Variants in SPON1 observed in about 807,000 individuals in gnomAD.
SPON1 encodes spondin-1.
Under a neutral mutation model 111.7 loss-of-function variants are expected in SPON1, and 52 were observed. The observed-to-expected ratio is 0.47, with a 90% CI of 0.37 to 0.59. SPON1 has a LOEUF of 0.59. SPON1 is among the 20% of genes least tolerant of loss of function. The probability of loss-of-function intolerance (pLI) is 0.00; values close to 1 mark genes in which losing one functional copy is unlikely to be tolerated. For synonymous variants in SPON1, 410 were observed against 395.8 expected (o/e 1.04, Z -0.43); for missense variants, 957 against 1,068.5 (o/e 0.90, Z 1.46).
chr11:14,238,169 A>G (rs781841839), intron 6 of SPON1, among the ~76,000 whole-genome samples: 2 of 152,182 alleles, frequency 1.3e-5, no homozygotes, highest in Non-Finnish European at 2.9e-5. Context: ...TTGTTTTATT[A>G]TTGTTGCTGT....
chr11:14,010,005 CA>C (rs1180302841), intron 2 of SPON1, among the ~76,000 whole-genome samples: 2 of 152,148 alleles, frequency 1.3e-5, no homozygotes, highest in African/African-American at 4.8e-5. Flanking sequence ...CAAATGAGGA[CA>C]GGGGCCACTA....
chr11:14,119,848 G>C (rs1237484377), intron 5 of SPON1, among the ~76,000 whole-genome samples: 1 of 152,086 alleles, frequency 6.6e-6, no homozygotes, highest in Non-Finnish European at 1.5e-5. Flanking sequence ...CCAAATTCTA[G>C]AGCTGTACTG....
chr11:13,963,397 C>T (rs1412336343), intron 1 of SPON1, among the ~76,000 whole-genome samples: 1 of 152,168 alleles, frequency 6.6e-6, no homozygotes, highest in Non-Finnish European at 1.5e-5. Context: ...GGTTCCCAGG[C>T]GGAGGATGTA....
At chr11:14,142,084 T>C (rs10832193) in intron 6 of SPON1, among the ~76,000 whole-genome samples, 60,387 of 152,056 alleles carry the variant, frequency 0.4, 12,264 homozygotes, top group East Asian at 0.55. Context: ...GTCTCAGTTC[T>C]CTCTTCTATG....
At position 14,259,049 on chromosome 11, in the gene SPON1, G is replaced by T. The variant is rs571840408; in HGVS notation, c.1493-231G>T. Among the ~76,000 whole-genome samples, 2 of 152,136 alleles carry T rather than the reference G, an allele frequency of 1.3e-5. No homozygotes were observed. Among genetic ancestry groups the T allele is most frequent in the Non-Finnish European group, 2.9e-5 (2 of 68,022 alleles). Reference sequence around the variant, plus strand: ...CATCCTTTCCATACAAGCATCTTTCGAATGTATTTTCATGAGATAAAGAGT... The same window carrying T: ...CATCCTTTCCATACAAGCATCTTTCTAATGTATTTTCATGAGATAAAGAGT... On this transcript the variant is annotated intron_variant, in intron 11 of 15. Coordinates refer to ENST00000576479, the MANE Select transcript of SPON1 (RefSeq NM_006108.4). This position sits in a 1 kb window ranked among gnomAD's most constrained non-coding sequence, Gnocchi z 5.0.
chr11:14,088,228 T>C (rs1172502635), intron 5 of SPON1, among the ~76,000 whole-genome samples: 3 of 152,200 alleles, frequency 2.0e-5, no homozygotes, highest in Non-Finnish European at 2.9e-5. Flanking sequence ...CATAGTGTCA[T>C]TGATCTTTAT....
Position 14,048,728 on chromosome 11 carries a change from C to T in SPON1, c.479+7074C>T, listed in dbSNP as rs537293433. On this transcript the variant is annotated intron_variant, in intron 3 of 15. Transcript: ENST00000576479. ...AGTAGCGATTGATTAAAAGAAAAAG[C>T]CGCCATGAGTAGAATAAATGTTTAC... Among the ~76,000 whole-genome samples the T allele has an allele frequency of 6.8e-4, 103 of 152,276 alleles. No homozygotes were observed. In the South Asian group the frequency reaches 0.019, roughly 29 times the overall value.
chr11:14,078,298 C>T (rs914252955), intron 4 of SPON1, among the ~76,000 whole-genome samples: 5 of 152,178 alleles, frequency 3.3e-5, no homozygotes, highest in African/African-American at 1.2e-4. Context: ...AAGTTTACCA[C>T]CTATATCCGA....
chr11:14,043,817 A>G (rs1272633972), intron 3 of SPON1, among the ~76,000 whole-genome samples: 2 of 152,260 alleles, frequency 1.3e-5, no homozygotes, highest in Non-Finnish European at 2.9e-5. Flanking sequence ...TTATGTGTAC[A>G]TATGTTTATC....
chr11:14,238,258 AG>A (rs1848888079), intron 6 of SPON1, among the ~76,000 whole-genome samples: 1 of 152,126 alleles, frequency 6.6e-6, no homozygotes, highest in Non-Finnish European at 1.5e-5. Flanking sequence ...GAGAGATGGT[AG>A]GGGCATCAGG....
intron 2 of SPON1, among the ~76,000 whole-genome samples, chr11:14,021,468 T>C (rs1848481080): frequency 6.6e-6 from 1 of 152,106 alleles, no homozygotes; most frequent in South Asian, 2.1e-4. Context: ...ATGCCTCAGC[T>C]TCTGAAACAG....
chr11:14,078,221 A>T (rs1848933592), intron 4 of SPON1, among the ~76,000 whole-genome samples: 1 of 152,212 alleles, frequency 6.6e-6, no homozygotes, highest in African/African-American at 2.4e-5. Context: ...TTCAAATGGA[A>T]GCTTATTTTC....
chr11:14,088,826 G>T (rs376334177), intron 5 of SPON1, among the ~76,000 whole-genome samples: 3 of 151,660 alleles, frequency 2.0e-5, no homozygotes, highest in Non-Finnish European at 4.4e-5. Context: ...GGCTGTGTTC[G>T]TTCCTTTTCA....
intron 2 of SPON1, among the ~76,000 whole-genome samples, chr11:14,009,891 G>A: frequency 6.6e-6 from 1 of 152,128 alleles, no homozygotes; most frequent in Admixed American, 6.5e-5. Context: ...ACTTCCCAAA[G>A]GTTCCACCAC....
At chr11:14,210,373 C>CTT (rs79378171) in intron 6 of SPON1, among the ~76,000 whole-genome samples, 6,462 of 133,620 alleles carry the variant, frequency 0.048, 475 homozygotes, top group African/African-American at 0.17. Flanking sequence ...TTTCTTTTTC[C>CTT]TTTTTTTTTT....
intron 6 of SPON1, among the ~76,000 whole-genome samples, chr11:14,163,690 A>G (rs1554931623): frequency 1.3e-5 from 2 of 152,210 alleles, no homozygotes; most frequent in African/African-American, 4.8e-5. Flanking sequence ...ACACATGCAG[A>G]AAAATGACAA....
chr11:14,057,532 A>G (rs1434899440), intron 3 of SPON1, among the ~76,000 whole-genome samples: 1 of 152,192 alleles, frequency 6.6e-6, no homozygotes, highest in African/African-American at 2.4e-5. Context: ...ATCTAATCTC[A>G]TGGTTATATT....
intron 5 of SPON1, among the ~76,000 whole-genome samples, chr11:14,110,099 A>G (rs1554925309): frequency 2.6e-5 from 4 of 152,238 alleles, no homozygotes; most frequent in Non-Finnish European, 5.9e-5. Context: ...CAGTTCTATC[A>G]GTTATCCTAC....
intron 3 of SPON1, among the ~76,000 whole-genome samples, chr11:14,047,346 C>T (rs1848676122): frequency 6.6e-6 from 1 of 152,084 alleles, no homozygotes; most frequent in South Asian, 2.1e-4. Flanking sequence ...TAAGAAACTT[C>T]CCTTCTTTAT....
Sources: allele counts gnomAD v4.1 joint callset (sites outside exome capture counted in the v4.1 genomes callset), GRCh38; gene constraint gnomAD v4.1.1; non-coding constraint Gnocchi (gnomAD v3.1); transcripts MANE v1.5; gene names NCBI Gene and HGNC (gene_info 2026-07-23, HGNC 2026-07-21).